NAALADL2: variants seen among roughly 807,000 people sequenced by gnomAD.
NAALADL2 encodes N-acetylated alpha-linked acidic dipeptidase like 2.
In NAALADL2, 76 loss-of-function variants were observed where a neutral mutation model predicts 87.2. The ratio of observed to expected loss-of-function variants is 0.87; its 90% confidence interval spans 0.72 to 1.05. The LOEUF (loss-of-function observed/expected upper bound fraction) is 1.05. Among genes scored for constraint, NAALADL2 ranks in the 50% least tolerant of loss-of-function variants. The pLI is 0.00. For missense variants in NAALADL2, 1,089 were observed against 945.8 expected (o/e 1.15, Z -1.99); for synonymous variants, 354 against 331.0 (o/e 1.07, Z -0.75).
At chr3:174,666,927 A>G (rs1726005399) in intron 2 of NAALADL2, among the ~76,000 whole-genome samples, 1 of 152,176 alleles carries the variant, frequency 6.6e-6, no homozygotes, top group South Asian at 2.1e-4. Context: ...GTGGAATCAT[A>G]CAGTATTTGT....
At chr3:175,330,291 G>A (rs957353426) in intron 5 of NAALADL2, among the ~76,000 whole-genome samples, 3 of 152,060 alleles carry the variant, frequency 2.0e-5, no homozygotes, top group South Asian at 4.2e-4. Context: ...CAACAAGACA[G>A]CAGTAACTGG....
At chr3:174,987,811 A>ATATATATATATAATT (rs1746155770) in intron 1 of NAALADL2, among the ~76,000 whole-genome samples, 1,267 of 121,042 alleles carry the variant, frequency 0.01, 88 homozygotes, top group African/African-American at 0.057. Flanking sequence ...TATATATATA[A>ATATATATATATAATT]TTATATATAT....
intron 2 of NAALADL2, among the ~76,000 whole-genome samples, chr3:174,701,129 A>T (rs964879669): frequency 6.6e-6 from 1 of 151,940 alleles, no homozygotes; most frequent in Admixed American, 6.6e-5. Flanking sequence ...TTATATATTT[A>T]CATTATTCAT....
In NAALADL2 at chr3:174,514,786, GA is replaced by G. The variant is rs1719819023; in HGVS notation, c.-183-35779del. On this transcript the variant is annotated intron_variant, in intron 1 of 3. Transcript: ENST00000434257. Reference sequence around the variant, plus strand: ...GGAGAGTATAACTAAAGACAATTTAGAAAATAACAGTACTGCTTTTTACTCA... The same window carrying G: ...GGAGAGTATAACTAAAGACAATTTAGAAATAACAGTACTGCTTTTTACTCA... Among the ~76,000 whole-genome samples the G allele has an allele frequency of 3.9e-5, 6 of 151,952 alleles. No homozygotes were observed. In the South Asian group the frequency reaches 1.3e-3, roughly 32 times the overall value.
At chr3:174,679,646 A>G (rs1440989837) in intron 2 of NAALADL2, among the ~76,000 whole-genome samples, 3 of 152,082 alleles carry the variant, frequency 2.0e-5, no homozygotes, top group African/African-American at 7.2e-5. Flanking sequence ...TGCTCGTTCC[A>G]CCCACTCAGC....
chr3:174,607,134 C>G (rs1331305994), intron 2 of NAALADL2, among the ~76,000 whole-genome samples: 1 of 151,872 alleles, frequency 6.6e-6, no homozygotes, highest in Non-Finnish European at 1.5e-5. Flanking sequence ...TTTGTCACCA[C>G]CAGGCCTGCC....
intron 12 of NAALADL2, among the ~76,000 whole-genome samples, chr3:175,740,489 C>T (rs145291001): frequency 6.6e-6 from 1 of 152,252 alleles, no homozygotes; most frequent in African/African-American, 2.4e-5. Context: ...CATTCCTAGT[C>T]TCTCGATGTT....
intron 2 of NAALADL2, among the ~76,000 whole-genome samples, chr3:174,709,773 G>T (rs1311606641): frequency 6.6e-6 from 1 of 152,124 alleles, no homozygotes; most frequent in Non-Finnish European, 1.5e-5. Context: ...GAACTTTTCA[G>T]TAGCCAGTTT....
At chr3:175,569,946 G>A (rs528128208) in intron 9 of NAALADL2, among the ~76,000 whole-genome samples, 10 of 151,804 alleles carry the variant, frequency 6.6e-5, no homozygotes, top group Admixed American at 5.9e-4. Context: ...GTAGATATAA[G>A]GAGATTATAA....
At chr3:175,516,508 A>T (rs1040389000) in intron 9 of NAALADL2, among the ~76,000 whole-genome samples, 1 of 152,190 alleles carries the variant, frequency 6.6e-6, no homozygotes, top group Non-Finnish European at 1.5e-5. Flanking sequence ...AAGGTCGGGG[A>T]TTCAATAATC....
intron 4 of NAALADL2, among the ~76,000 whole-genome samples, chr3:175,309,875 T>G (rs1328426978): frequency 6.6e-6 from 1 of 152,208 alleles, no homozygotes; most frequent in Non-Finnish European, 1.5e-5. Context: ...CATCCCTTTT[T>G]ATGAATGAAC....
intron 5 of NAALADL2, among the ~76,000 whole-genome samples, chr3:175,370,420 C>T (rs921691062): frequency 1.3e-5 from 2 of 151,750 alleles, no homozygotes; most frequent in Non-Finnish European, 2.9e-5. Flanking sequence ...AAATTATTAT[C>T]ACCATTAACT....
intron 11 of NAALADL2, among the ~76,000 whole-genome samples, chr3:175,728,247 T>C (rs1018243621): frequency 6.6e-6 from 1 of 152,112 alleles, no homozygotes; most frequent in African/African-American, 2.4e-5. Context: ...ATGTGGAGAA[T>C]GTGTTGGAGG....
intron 4 of NAALADL2, among the ~76,000 whole-genome samples, chr3:175,293,053 A>AG (rs1253317371): frequency 6.7e-6 from 1 of 150,104 alleles, no homozygotes. Flanking sequence ...AAAAAAAAAA[A>AG]AAAAAAAAAA....
intron 2 of NAALADL2, among the ~76,000 whole-genome samples, chr3:175,193,783 TG>T (rs113452321): frequency 1.2e-3 from 183 of 152,074 alleles, no homozygotes; most frequent in African/African-American, 4.1e-3. Flanking sequence ...CTAGAACAGG[TG>T]TTTTTTTGGC....
intron 2 of NAALADL2, among the ~76,000 whole-genome samples, chr3:175,125,999 A>C (rs1726886516): frequency 6.6e-6 from 1 of 152,104 alleles, no homozygotes; most frequent in Non-Finnish European, 1.5e-5. Context: ...AAAACAGCCA[A>C]AATTTGGAAT....
In NAALADL2 at chr3:174,888,060, A is replaced by G. The variant is rs1730401015; in HGVS notation, c.43+28610A>G. Among the ~76,000 whole-genome samples the G allele has an allele frequency of 2.0e-5, 3 of 152,182 alleles. No homozygotes were observed. The South Asian group carries it at 6.2e-4, about 31-fold the overall frequency. On this transcript the variant is annotated intron_variant, in intron 1 of 13. Coordinates refer to ENST00000454872, the MANE Select transcript of NAALADL2 (RefSeq NM_207015.3). Reference sequence around the variant, plus strand: ...CCAGGGTGGATGTCTTACAGGATATAATATTGACCTGATTTCTAAATGATG... The same window carrying G: ...CCAGGGTGGATGTCTTACAGGATATGATATTGACCTGATTTCTAAATGATG...
chr3:175,235,407 T>A (rs2109510176), intron 3 of NAALADL2: 1 of 152,302 alleles, frequency 6.6e-6, no homozygotes, highest in Non-Finnish European at 1.5e-5. Context: ...TTAATTAAAC[T>A]TCAATATAAT....
At chr3:175,109,184 A>G (rs903360370) in intron 2 of NAALADL2, among the ~76,000 whole-genome samples, 7 of 151,916 alleles carry the variant, frequency 4.6e-5, no homozygotes, top group African/African-American at 1.4e-4. Flanking sequence ...GGTCAAAGCT[A>G]TAAACTGTTA....
Sources: allele counts gnomAD v4.1 joint callset (sites outside exome capture counted in the v4.1 genomes callset), GRCh38; gene constraint gnomAD v4.1.1; transcripts MANE v1.5; gene names NCBI Gene and HGNC (gene_info 2026-07-23, HGNC 2026-07-21).